Variants in TLN2 observed in about 807,000 individuals in gnomAD.
The protein encoded by TLN2 is talin 2, also known as talin-2.
In TLN2, 118 loss-of-function variants were observed where a neutral mutation model predicts 294.7. The observed-to-expected ratio is 0.40, with a 90% confidence interval of 0.34 to 0.47. The LOEUF is 0.47. TLN2 is among the 20% of genes least tolerant of loss of function. TLN2 has a pLI of 0.84. For synonymous variants in TLN2, 1,431 were observed against 1,304.5 expected, an observed-to-expected ratio of 1.10 and a Z score of -2.09; for missense variants, 3,083 against 3,282.2, an observed-to-expected ratio of 0.94 and a Z score of 1.48.
chr15:62,742,649 T>A (rs2061406939), intron 32 of TLN2, among the ~76,000 whole-genome samples: 1 of 152,180 alleles, frequency 6.6e-6, no homozygotes, highest in East Asian at 1.9e-4. Context: ...AAGCTTTCGT[T>A]GCCTTTCTGT....
intron 12 of TLN2, among the ~76,000 whole-genome samples, chr15:62,688,656 T>G (rs1224946607): frequency 6.6e-6 from 1 of 152,138 alleles, no homozygotes; most frequent in Non-Finnish European, 1.5e-5. Context: ...CAGCTCTCAG[T>G]TTTTGTTTCA....
At chr15:62,580,115 A>C (rs1277419492) in intron 1 of TLN2, among the ~76,000 whole-genome samples, 1 of 152,198 alleles carries the variant, frequency 6.6e-6, no homozygotes, top group Admixed American at 6.5e-5. Context: ...CCTTGGCTTC[A>C]GTGCCTGGGT....
chr15:62,810,080 G>A, intron 52 of TLN2, 48 bp downstream of exon 52: 1 of 1,459,956 alleles, frequency 6.8e-7, no homozygotes. Flanking sequence ...TGTCCCTCTA[G>A]CTGTCCTGGC....
chr15:62,729,296 T>C (rs1277126908), intron 28 of TLN2, among the ~76,000 whole-genome samples: 2 of 152,246 alleles, frequency 1.3e-5, no homozygotes, highest in Non-Finnish European at 2.9e-5. Context: ...TTTGTTGGTT[T>C]TCCTCAAGTT....
chr15:62,509,118 A>T (rs1056310074), intron 1 of TLN2, among the ~76,000 whole-genome samples: 4 of 152,190 alleles, frequency 2.6e-5, no homozygotes, highest in Non-Finnish European at 5.9e-5. Flanking sequence ...TTGGACCAAG[A>T]TGGTCTGGCT....
intron 1 of TLN2, among the ~76,000 whole-genome samples, chr15:62,538,612 T>C (rs2041496878): frequency 6.6e-6 from 1 of 152,176 alleles, no homozygotes; most frequent in African/African-American, 2.4e-5. Context: ...TGGTTTTAGA[T>C]TTGGGGTTTT....
Position 62,698,765 on chromosome 15 carries a change from G to T in TLN2, c.1485G>T (p.Gln495His). 6.2e-7 allele frequency: 1 copy of T among 1,610,426 alleles called. No individual in the cohort carries two copies. Among genetic ancestry groups the T allele is most frequent in the Non-Finnish European group, 8.5e-7 (1 of 1,179,850 alleles). ...RGHMPPLTSA[Q>H]QALMGTINTS... ...ATTTGCCTTTGCAGACCTCAGCCCA[G>T]CAGGCCCTGATGGGGACCATCAACA... Residue 495 changes from glutamine (Q) to histidine (H), a missense_variant, in exon 16 of 59, where the codon CAG (glutamine) becomes CAT (histidine). By Grantham distance (24) the Gln-to-His change is conservative (BLOSUM62 0). Transcript: ENST00000636159.
chr15:62,741,748 C>CGCGCGCGCGCGCGTGTGTGTGTGTGTGT, intron 32 of TLN2, among the ~76,000 whole-genome samples: 5 of 131,070 alleles, frequency 3.8e-5, no homozygotes, highest in African/African-American at 1.5e-4. Context: ...AAAATTTGCG[C>CGCGCGCGCGCGCGTGTGTGTGTGTGTGT]GTGTGTGTGT....
chr15:62,515,093 C>A (rs2040120716), intron 1 of TLN2, among the ~76,000 whole-genome samples: 1 of 152,140 alleles, frequency 6.6e-6, no homozygotes, highest in Admixed American at 6.6e-5. Flanking sequence ...AGATCTAAGG[C>A]CCATTTTAAT....
intron 1 of TLN2, among the ~76,000 whole-genome samples, chr15:62,537,327 T>C (rs1382277846): frequency 6.6e-6 from 1 of 152,114 alleles, no homozygotes; most frequent in Admixed American, 6.6e-5. Flanking sequence ...TCATTGTAGT[T>C]TTTAAAAGGC....
chr15:62,794,360 A>C (rs1359627222), intron 46 of TLN2, among the ~76,000 whole-genome samples: 1 of 152,184 alleles, frequency 6.6e-6, no homozygotes, highest in Non-Finnish European at 1.5e-5. Flanking sequence ...GTACCCACAC[A>C]CAGCCATGAC....
intron 21 of TLN2, among the ~76,000 whole-genome samples, chr15:62,709,478 C>T (rs962033294): frequency 6.6e-6 from 1 of 152,172 alleles, no homozygotes; most frequent in African/African-American, 2.4e-5. Flanking sequence ...ATCAAAGACA[C>T]GTTCCCTGCT....
At chr15:62,614,931 G>A (rs953399397) in intron 2 of TLN2, among the ~76,000 whole-genome samples, 1 of 152,024 alleles carries the variant, frequency 6.6e-6, no homozygotes, top group East Asian at 1.9e-4. Context: ...TCAGCCTCCC[G>A]AGTTGCTGGG....
chr15:62,526,433 G>T (rs1198840143), intron 1 of TLN2, among the ~76,000 whole-genome samples: 1 of 152,142 alleles, frequency 6.6e-6, no homozygotes, highest in Non-Finnish European at 1.5e-5. Context: ...TCATTCTTGT[G>T]CACTCTGACT....
chr15:62,693,012 T>A, intron 13 of TLN2, 71 bp downstream of exon 13: 1 of 1,335,546 alleles, frequency 7.5e-7, no homozygotes, highest in Non-Finnish European at 1.1e-6. Context: ...ATGACGTGGC[T>A]ACCTTGAAAA....
At chr15:62,827,743 A>C (rs913880393) in intron 54 of TLN2, 12 of 152,242 alleles carry the variant, frequency 7.9e-5, no homozygotes, top group Non-Finnish European at 1.2e-4. Flanking sequence ...AGATTAATTT[A>C]GCCCCAAACC....
chr15:62,472,948 C>G (rs572841597), intron 1 of TLN2, among the ~76,000 whole-genome samples: 10 of 152,292 alleles, frequency 6.6e-5, no homozygotes, highest in African/African-American at 2.2e-4. Context: ...GTGGCCATGT[C>G]TGGTTCTTTG....
intron 12 of TLN2, 42 bp from the exon 13 acceptor site, chr15:62,692,798 A>G (rs1421114896): frequency 1.3e-6 from 2 of 1,512,822 alleles, no homozygotes; most frequent in Non-Finnish European, 1.8e-6. Flanking sequence ...AAATGCTGAT[A>G]TATCTGATTT....
chr15:62,516,005 C>G (rs943509353), intron 1 of TLN2, among the ~76,000 whole-genome samples: 1 of 152,076 alleles, frequency 6.6e-6, no homozygotes, highest in African/African-American at 2.4e-5. Context: ...GGCCAGGACT[C>G]GAAGGGAGCC....
Sources: gnomAD v4.1 joint callset for allele counts (sites outside exome capture counted in the v4.1 genomes callset) on GRCh38, gnomAD v4.1.1 for gene constraint, MANE v1.5 for transcripts, NCBI Gene and HGNC (gene_info 2026-07-23, HGNC 2026-07-21) for gene names.